The following KHDRBS2 variants were observed in gnomAD, a reference collection of about 807,000 sequenced individuals.
KHDRBS2 encodes KH RNA binding domain containing, signal transduction associated 2.
A neutral mutation model predicts 44.3 loss-of-function variants in KHDRBS2; 26 were observed. The ratio of observed to expected loss-of-function variants is 0.59; its 90% CI spans 0.43 to 0.81. The LOEUF is 0.81. Among genes scored for constraint, KHDRBS2 ranks in the 40% least tolerant of loss-of-function variants. The pLI is 0.00. For synonymous variants in KHDRBS2, 194 were observed against 151.1 expected (o/e 1.28, Z -2.08); for missense variants, 476 against 433.1 (o/e 1.10, Z -0.88).
chr6:62,047,931 T>C lies in KHDRBS2; in HGVS notation c.283A>G (p.Thr95Ala). ...GNSLKRLQEETGAKMSILGKG... is the reference protein window; with the variant it reads ...GNSLKRLQEEAGAKMSILGKG... Reference sequence around the variant, plus strand: ...CCCAGGATAGACATTTTAGCACCTGTTTCTTCCTGTAGCCTCTTCAAGGAG... The same window carrying C: ...CCCAGGATAGACATTTTAGCACCTGCTTCTTCCTGTAGCCTCTTCAAGGAG... The change falls in exon 3 of 9, where the codon ACA (threonine) becomes GCA (alanine). Residue 95 changes from threonine (T) to alanine (A), a missense_variant. Coordinates refer to ENST00000281156, the MANE Select transcript of KHDRBS2 (RefSeq NM_152688.4). 6.2e-7 allele frequency: 1 copy of C among 1,612,386 alleles called. No homozygotes were observed.
intron 6 of KHDRBS2, among the ~76,000 whole-genome samples, chr6:61,768,099 T>G (rs1354233050): frequency 1.3e-5 from 2 of 152,200 alleles, no homozygotes; most frequent in Non-Finnish European, 2.9e-5. Flanking sequence ...AAGCATATTT[T>G]TACTGGCTAT....
chr6:61,821,340 T>G (rs1789883035), intron 6 of KHDRBS2, among the ~76,000 whole-genome samples: 1 of 152,008 alleles, frequency 6.6e-6, no homozygotes, highest in South Asian at 2.1e-4. Context: ...TTTAGTAAAC[T>G]TTCAAGATAA....
intron 4 of KHDRBS2, among the ~76,000 whole-genome samples, chr6:61,931,127 T>C (rs2127367106): frequency 1.3e-5 from 2 of 152,170 alleles, no homozygotes; most frequent in South Asian, 2.1e-4. Context: ...AAAATACTTA[T>C]ATTTTGTTAA....
intron 2 of KHDRBS2, among the ~76,000 whole-genome samples, chr6:62,127,361 C>T (rs1242454777): frequency 1.3e-5 from 2 of 152,114 alleles, no homozygotes; most frequent in Non-Finnish European, 2.9e-5. Flanking sequence ...CACTATTAAA[C>T]TCCCTCTTAA....
intron 4 of KHDRBS2, among the ~76,000 whole-genome samples, chr6:61,926,614 G>A (rs1355875753): frequency 2.0e-5 from 3 of 152,130 alleles, no homozygotes; most frequent in Non-Finnish European, 2.9e-5. Context: ...AACTGGAATA[G>A]GTTGGGCCAG....
chr6:62,030,909 G>A (rs1350274826), intron 3 of KHDRBS2, among the ~76,000 whole-genome samples: 1 of 152,048 alleles, frequency 6.6e-6, no homozygotes, highest in Non-Finnish European at 1.5e-5. Flanking sequence ...AGGAGAATGA[G>A]TAAATAAATC....
At chr6:61,622,043 T>C in the KHDRBS2 span, among the ~76,000 whole-genome samples, 3 of 152,218 alleles carry the variant, frequency 2.0e-5, no homozygotes, top group Admixed American at 6.5e-5. Flanking sequence ...AACGTTTTAA[T>C]TGTAGCCTTG....
chr6:62,176,079 A>G (rs1821031077), intron 2 of KHDRBS2, among the ~76,000 whole-genome samples: 2 of 151,446 alleles, frequency 1.3e-5, no homozygotes, highest in Admixed American at 1.3e-4. Flanking sequence ...GTGAAAAAGG[A>G]CACATTATTC....
intron 2 of KHDRBS2, among the ~76,000 whole-genome samples, chr6:62,089,806 T>G (rs1482944169): frequency 6.6e-6 from 1 of 152,220 alleles, no homozygotes; most frequent in Non-Finnish European, 1.5e-5. Flanking sequence ...TAATTCACTC[T>G]GAAGTAATTA....
At chr6:62,091,017 T>C (rs1207402116) in intron 2 of KHDRBS2, among the ~76,000 whole-genome samples, 1 of 152,136 alleles carries the variant, frequency 6.6e-6, no homozygotes, top group African/African-American at 2.4e-5. Context: ...ACACTGTAAT[T>C]GGGAATGTCA....
chr6:62,034,233 C>T (rs1784849722), intron 3 of KHDRBS2, among the ~76,000 whole-genome samples: 1 of 151,876 alleles, frequency 6.6e-6, no homozygotes, highest in South Asian at 2.1e-4. Flanking sequence ...GCTTTTACTG[C>T]TGAATTCTGC....
the KHDRBS2 span, among the ~76,000 whole-genome samples, chr6:61,624,287 A>C: frequency 1.3e-5 from 2 of 152,188 alleles, no homozygotes; most frequent in East Asian, 3.9e-4. Flanking sequence ...AGATGTGGCT[A>C]TACACTGGCT....
intron 6 of KHDRBS2, among the ~76,000 whole-genome samples, chr6:61,817,311 C>T (rs1390429795): frequency 5.3e-5 from 8 of 152,030 alleles, no homozygotes; most frequent in Non-Finnish European, 1.2e-4. Context: ...CCAGAACTAT[C>T]CCAATACATA....
At chr6:61,729,094 T>C (rs1480602227) in intron 7 of KHDRBS2, among the ~76,000 whole-genome samples, 1 of 152,048 alleles carries the variant, frequency 6.6e-6, no homozygotes, top group Non-Finnish European at 1.5e-5. Context: ...CCATCACTGA[T>C]AGACAGGATA....
At chr6:62,004,582 CA>C (rs199871651) in intron 3 of KHDRBS2, among the ~76,000 whole-genome samples, 2,981 of 152,166 alleles carry the variant, frequency 0.02, 54 homozygotes, top group Non-Finnish European at 0.031. Context: ...ACCAGAGGTA[CA>C]AAGAGGAGCT....
At chr6:62,200,551 G>A (rs1207495080) in intron 1 of KHDRBS2, among the ~76,000 whole-genome samples, 1 of 152,204 alleles carries the variant, frequency 6.6e-6, no homozygotes, top group East Asian at 1.9e-4. Context: ...TCTCACACCA[G>A]TTAGAATGGC....
intron 8 of KHDRBS2, among the ~76,000 whole-genome samples, chr6:61,695,666 A>C (rs1305876187): frequency 6.6e-6 from 1 of 152,184 alleles, no homozygotes; most frequent in Admixed American, 6.5e-5. Flanking sequence ...AATGGAGATA[A>C]AAATACTTAA....
intron 7 of KHDRBS2, among the ~76,000 whole-genome samples, chr6:61,719,457 G>A (rs565155353): frequency 3.0e-4 from 45 of 151,510 alleles, no homozygotes; most frequent in African/African-American, 1.0e-3. Context: ...TGTCTTTGAG[G>A]AGTATGTAGA....
At chr6:62,073,895 G>A (rs183848985) in intron 2 of KHDRBS2, among the ~76,000 whole-genome samples, 5 of 151,804 alleles carry the variant, frequency 3.3e-5, no homozygotes, top group African/African-American at 1.2e-4. Context: ...AAAGAAGAAC[G>A]GCAGATCACT....
Sources: gnomAD v4.1 joint callset for allele counts (sites outside exome capture counted in the v4.1 genomes callset) on GRCh38, gnomAD v4.1.1 for gene constraint, MANE v1.5 for transcripts, NCBI Gene and HGNC (gene_info 2026-07-23, HGNC 2026-07-21) for gene names.